The following ARPC2 variants were observed in gnomAD, a reference collection of about 807,000 sequenced individuals.
ARPC2 encodes actin-related protein 2/3 complex subunit 2.
ARPC2 carries 4 observed loss-of-function variants against 38.6 expected under a neutral mutation model. The observed-to-expected ratio is 0.10, with a 90% CI of 0.05 to 0.24. The LOEUF (loss-of-function observed/expected upper bound fraction) is 0.24. ARPC2 is among the 10% of genes least tolerant of loss of function. The pLI, the probability that ARPC2 is intolerant of heterozygous loss-of-function variation, is 1.00. For missense variants in ARPC2, 229 were observed against 387.3 expected, an observed-to-expected ratio of 0.59 and a Z score of 3.43; for synonymous variants, 125 against 140.8, an observed-to-expected ratio of 0.89 and a Z score of 0.79.
chr2:218,249,280 T>C, intron 8 of ARPC2, 84 bp from the exon 9 acceptor site: 3 of 869,892 alleles, frequency 3.4e-6, no homozygotes, highest in Non-Finnish European at 5.6e-6. Flanking sequence ...AGAGAGGGAG[T>C]GATGTTCACT....
intron 3 of ARPC2, 39 bp from the exon 4 acceptor site, chr2:218,228,699 T>C (rs1689564741): frequency 7.6e-7 from 1 of 1,318,786 alleles, no homozygotes; most frequent in South Asian, 1.2e-5. Flanking sequence ...TATTTCCCAT[T>C]CCCAAATTGT....
At chr2:218,224,294 A>G (rs1036091490) in intron 2 of ARPC2, among the ~76,000 whole-genome samples, 1 of 152,098 alleles carries the variant, frequency 6.6e-6, no homozygotes, top group Admixed American at 6.6e-5. Context: ...AGAGTGAGGA[A>G]CTCAGCCCTT....
At chr2:218,246,645 A>C (rs1690039324) in intron 8 of ARPC2, among the ~76,000 whole-genome samples, 1 of 152,078 alleles carries the variant, frequency 6.6e-6, no homozygotes, top group African/African-American at 2.4e-5. Flanking sequence ...GTTTGGGACC[A>C]GCCTGGATAA....
intron 4 of ARPC2, among the ~76,000 whole-genome samples, chr2:218,230,622 T>A (rs1000375874): frequency 6.6e-6 from 1 of 152,158 alleles, no homozygotes; most frequent in African/African-American, 2.4e-5. Flanking sequence ...GGATCAGCTA[T>A]AACTACCTGA....
At chr2:218,237,419 G>A (rs1319646413) in intron 5 of ARPC2, among the ~76,000 whole-genome samples, 11 of 151,580 alleles carry the variant, frequency 7.3e-5, no homozygotes, top group African/African-American at 1.5e-4. Flanking sequence ...GGCAGGTCTC[G>A]AACTCCTGAC....
chr2:218,231,618 C>T (rs1216077524), intron 4 of ARPC2, among the ~76,000 whole-genome samples: 3 of 152,104 alleles, frequency 2.0e-5, no homozygotes, highest in South Asian at 2.1e-4. Context: ...AAGAAACTCT[C>T]GTGACCTTGA....
At chr2:218,230,223 C>T (rs565223215) in intron 4 of ARPC2, among the ~76,000 whole-genome samples, 3 of 151,648 alleles carry the variant, frequency 2.0e-5, no homozygotes, top group South Asian at 2.1e-4. Context: ...CTGCCTGCCT[C>T]GACCTCCCAC....
At position 218,234,431 on chromosome 2, in the gene ARPC2, T is replaced by C. The variant is rs1216099129; in HGVS notation, c.268+34T>C. ...TCATGTGAGCAACTATGGAATGACATGGGAAGAGAGGTGTCCTTTTTATAT... is the reference window on the plus strand; with the variant it reads ...TCATGTGAGCAACTATGGAATGACACGGGAAGAGAGGTGTCCTTTTTATAT... On this transcript the variant is annotated intron_variant, in intron 5 of 10. Coordinates refer to ENST00000315717, the MANE Select transcript of ARPC2 (RefSeq NM_152862.3). 4.6e-6 allele frequency: 7 copies of C among 1,527,088 alleles called. No homozygotes were observed. In the Admixed American group the frequency reaches 1.1e-4, roughly 24 times the overall value. The allele number at this position is 1,527,088 out of a possible 1,614,324, so 94.6% of individuals were successfully genotyped here.
At chr2:218,228,365 T>A (rs1006634292) in intron 3 of ARPC2, among the ~76,000 whole-genome samples, 1 of 151,828 alleles carries the variant, frequency 6.6e-6, no homozygotes. Context: ...ACCACACCAT[T>A]GCACTCCAGC....
chr2:218,250,910 C>T (rs1228919839), intron 10 of ARPC2, among the ~76,000 whole-genome samples: 1 of 151,994 alleles, frequency 6.6e-6, no homozygotes, highest in Non-Finnish European at 1.5e-5. Flanking sequence ...CTCTGTCGCC[C>T]AGGCTGGAGT....
intron 3 of ARPC2, among the ~76,000 whole-genome samples, chr2:218,226,198 C>T (rs1170018840): frequency 6.6e-6 from 1 of 151,508 alleles, no homozygotes; most frequent in African/African-American, 2.4e-5. Flanking sequence ...AAGGCTGAGG[C>T]AGGAGAATCA....
At position 218,249,429 on chromosome 2, in the gene ARPC2, C is replaced by T. The variant is rs369055854; in HGVS notation, c.742C>T (p.Arg248Trp). ...DNTINLIHTF[R>W]DYLHYHIKCS... ...CACCATCAACCTGATCCACACGTTCCGGGACTACCTGCACTACCACATCAA... is the reference window on the plus strand; with the variant it reads ...CACCATCAACCTGATCCACACGTTCTGGGACTACCTGCACTACCACATCAA... Residue 248 changes from arginine (R) to tryptophan (W), a missense_variant, in exon 9 of 11, where the codon CGG (arginine) becomes TGG (tryptophan). Around this residue, in one of 3 missense-constraint regions of ARPC2, gnomAD observed 92 missense variants for 152.3 expected, o/e 0.60. Coordinates refer to ENST00000315717, the MANE Select transcript of ARPC2 (RefSeq NM_152862.3). 3 of 1,613,434 alleles carry T rather than the reference C, an allele frequency of 1.9e-6. No homozygotes were observed. The highest frequency in any genetic ancestry group is 2.5e-6 in the Non-Finnish European group (3 of 1,179,678).
chr2:218,239,569 T>A, intron 7 of ARPC2, 85 bp downstream of exon 7: 1 of 1,081,620 alleles, frequency 9.2e-7, no homozygotes, highest in Non-Finnish European at 1.4e-6. Flanking sequence ...AGGAAAGAGA[T>A]CTAGCAACTC....
chr2:218,236,092 GAA>G (rs57571049), intron 5 of ARPC2: 117,990 of 145,824 alleles, frequency 0.81, 51,530 homozygotes, highest in East Asian at 0.99. Flanking sequence ...TCAGTCTCGA[GAA>G]AAAAAAAAAA....
intron 5 of ARPC2, chr2:218,235,105 T>G (rs1689737968): frequency 3.3e-6 from 1 of 299,604 alleles, no homozygotes; most frequent in Non-Finnish European, 6.6e-6. Flanking sequence ...GGTACCTTGA[T>G]TAGAAAAGTC....
intron 5 of ARPC2, chr2:218,235,378 G>C (rs1689745750): frequency 6.5e-6 from 1 of 153,576 alleles, no homozygotes; most frequent in Non-Finnish European, 1.4e-5. Flanking sequence ...GAGTCTCACT[G>C]TCTGCTGCCC....
intron 7 of ARPC2, among the ~76,000 whole-genome samples, chr2:218,242,902 G>C (rs1689947412): frequency 6.6e-6 from 1 of 152,270 alleles, no homozygotes; most frequent in South Asian, 2.1e-4. Context: ...ATTTTCTCCA[G>C]TTTGTCATTG....
At chr2:218,226,839 T>C (rs913598760) in intron 3 of ARPC2, among the ~76,000 whole-genome samples, 3 of 152,006 alleles carry the variant, frequency 2.0e-5, no homozygotes, top group Admixed American at 6.6e-5. Context: ...TTTGGAAATA[T>C]TACATTATCT....
At chr2:218,253,600 T>G (rs1415678535) in intron 10 of ARPC2, among the ~76,000 whole-genome samples, 1 of 152,206 alleles carries the variant, frequency 6.6e-6, no homozygotes, top group Non-Finnish European at 1.5e-5. Flanking sequence ...ATCCAGAAAT[T>G]GTGAACAAGT....
Sources: gnomAD v4.1 joint callset for allele counts (sites outside exome capture counted in the v4.1 genomes callset) on GRCh38, gnomAD v4.1.1 for gene constraint, gnomAD v4.1.1 regional missense constraint, MANE v1.5 for transcripts, NCBI Gene and HGNC (gene_info 2026-07-23, HGNC 2026-07-21) for gene names.